RP1: variants seen among roughly 807,000 people sequenced by gnomAD.
RP1 encodes the protein oxygen-regulated protein 1.
A neutral mutation model predicts 14.8 loss-of-function variants in RP1; 16 were observed. That is an observed-to-expected ratio of 1.08 (90% CI 0.73 to 1.65). The LOEUF (loss-of-function observed/expected upper bound fraction) is 1.65. Among genes scored for constraint, RP1 ranks in the 40% most tolerant of loss-of-function variants. The probability of loss-of-function intolerance (pLI) is 0.00; values close to 1 mark genes in which losing one functional copy is unlikely to be tolerated. For synonymous variants in RP1, 876 were observed against 883.6 expected, an observed-to-expected ratio of 0.99 and a Z score of 0.15; for missense variants, 2,631 against 2,535.0, an observed-to-expected ratio of 1.04 and a Z score of -0.81.
intron 24 of RP1, among the ~76,000 whole-genome samples, chr8:54,807,211 C>T (rs1810873455): frequency 2.6e-5 from 4 of 152,204 alleles, no homozygotes; most frequent in Admixed American, 2.6e-4. Context: ...TGTCAAGCTC[C>T]ATCAGCCTTT....
chr8:54,571,578 T>C (rs998799031), intron 1 of RP1, among the ~76,000 whole-genome samples: 7 of 152,288 alleles, frequency 4.6e-5, no homozygotes, highest in African/African-American at 1.7e-4. Flanking sequence ...TTAAGATCCA[T>C]CAGCTCAAGT....
intron 1 of RP1, among the ~76,000 whole-genome samples, chr8:54,569,086 G>A (rs547865122): frequency 6.6e-6 from 1 of 152,206 alleles, no homozygotes; most frequent in Non-Finnish European, 1.5e-5. Context: ...ATGCAAAAAA[G>A]AGCAGAAGAA....
rs1352879677 is a variant in RP1, at chr8:54,629,752, C to T, written c.5870C>T (p.Pro1957Leu). The change falls in exon 4 of 4, where the codon CCA (proline) becomes CTA (leucine). Residue 1957 changes from proline to leucine, a missense_variant. Transcript: ENST00000220676. ...LGFYLWMKIH[P>L]YLLQTDKNVF... ...TTTTATTTATGGATGAAAATACACC[C>T]ATATTTACTTCAGACAGACAAAAAT... The T allele has an allele frequency of 6.2e-7, 1 of 1,610,322 alleles. No individual in the cohort carries two copies. Among genetic ancestry groups the T allele is most frequent in the African/African-American group, 1.3e-5 (1 of 74,800 alleles).
At chr8:54,567,439 T>C (rs1804433908) in intron 1 of RP1, among the ~76,000 whole-genome samples, 1 of 152,188 alleles carries the variant, frequency 6.6e-6, no homozygotes, top group South Asian at 2.1e-4. Flanking sequence ...ATTTCACTTA[T>C]TATTATGAGA....
At chr8:54,754,963 AT>A in intron 20 of RP1, 1 of 1,472,808 alleles carries the variant, frequency 6.8e-7, no homozygotes, top group Non-Finnish European at 9.0e-7. Flanking sequence ...AGTAGCATCT[AT>A]TCCATAGACA....
At chr8:54,795,855 T>C (rs1478314420) in intron 24 of RP1, among the ~76,000 whole-genome samples, 2 of 152,182 alleles carry the variant, frequency 1.3e-5, no homozygotes, top group African/African-American at 4.8e-5. Context: ...GTTTTTCCTG[T>C]TCTAAATGTG....
At chr8:54,591,879 G>A (rs1413112686) in intron 1 of RP1, among the ~76,000 whole-genome samples, 1 of 152,140 alleles carries the variant, frequency 6.6e-6, no homozygotes, top group Admixed American at 6.5e-5. Flanking sequence ...CTCACAGGGT[G>A]GATAACAGGA....
intron 19 of RP1, among the ~76,000 whole-genome samples, chr8:54,747,899 C>T (rs1171602435): frequency 2.0e-5 from 3 of 152,242 alleles, no homozygotes; most frequent in Non-Finnish European, 4.4e-5. Context: ...AAGGCCAATG[C>T]CCCTTCTCTT....
chr8:54,688,494 G>C (rs957619195), intron 12 of RP1, among the ~76,000 whole-genome samples: 13 of 152,102 alleles, frequency 8.5e-5, no homozygotes, highest in Admixed American at 2.0e-4. Flanking sequence ...TTTGTATAAG[G>C]TGTAAGGAAG....
intron 27 of RP1, among the ~76,000 whole-genome samples, chr8:54,859,343 G>GGTGTCA (rs947200880): frequency 4.9e-4 from 6 of 12,298 alleles, no homozygotes; most frequent in African/African-American, 6.4e-4. Flanking sequence ...ACTGTAGGGT[G>GGTGTCA]GTGTCCCTGT....
At chr8:54,666,844 C>T (rs762361109) in intron 7 of RP1, among the ~76,000 whole-genome samples, 2 of 151,964 alleles carry the variant, frequency 1.3e-5, no homozygotes, top group African/African-American at 4.8e-5. Flanking sequence ...AATGCCAAGC[C>T]CCATCTGTTC....
intron 12 of RP1, among the ~76,000 whole-genome samples, chr8:54,691,970 C>T (rs981313314): frequency 5.9e-5 from 9 of 151,978 alleles, no homozygotes; most frequent in Admixed American, 2.0e-4. Context: ...TCCCCCCTCC[C>T]CCAACCCTAC....
intron 25 of RP1, among the ~76,000 whole-genome samples, chr8:54,848,326 C>A (rs1030594379): frequency 2.0e-5 from 3 of 152,210 alleles, no homozygotes; most frequent in Non-Finnish European, 4.4e-5. Flanking sequence ...TCCTCCTATC[C>A]TGTTCTTCCT....
chr8:54,678,217 C>G (rs989484539), intron 8 of RP1, among the ~76,000 whole-genome samples: 21 of 152,170 alleles, frequency 1.4e-4, no homozygotes, highest in African/African-American at 4.8e-4. Flanking sequence ...TTTGGAAAAG[C>G]CCACTGAAAT....
At chr8:54,662,523 C>G (rs143382437) in intron 6 of RP1, among the ~76,000 whole-genome samples, 1,595 of 152,280 alleles carry the variant, frequency 0.01, 12 homozygotes, top group Middle Eastern at 0.031. Flanking sequence ...CCAATGTGCT[C>G]TTCTTCCTAG....
exon 28 of RP1, chr8:54,865,907 T>C: frequency 8.2e-7 from 1 of 1,221,772 alleles, no homozygotes; most frequent in Non-Finnish European, 1.0e-6. Flanking sequence ...GTGCTGTTTC[T>C]ATGCAACAGG....
chr8:54,867,677 A>ATAC (rs1369643259), intron 28 of RP1, among the ~76,000 whole-genome samples: 1 of 152,218 alleles, frequency 6.6e-6, no homozygotes. Flanking sequence ...TTTAGACATG[A>ATAC]TACTACACAT....
At chr8:54,799,572 C>A (rs1320498709) in intron 24 of RP1, among the ~76,000 whole-genome samples, 5 of 151,838 alleles carry the variant, frequency 3.3e-5, no homozygotes, top group Non-Finnish European at 7.4e-5. Context: ...CTTTTCCTGC[C>A]TTCTCAGGAT....
upstream of RP1, among the ~76,000 whole-genome samples, chr8:54,611,185 G>T (rs1299761634): frequency 6.6e-6 from 1 of 152,128 alleles, no homozygotes; most frequent in Non-Finnish European, 1.5e-5. Flanking sequence ...GTCTCTTGTA[G>T]TTCATCCTAC....
Sources: gnomAD v4.1 joint callset for allele counts (sites outside exome capture counted in the v4.1 genomes callset) on GRCh38, gnomAD v4.1.1 for gene constraint, MANE v1.5 for transcripts, NCBI Gene and HGNC (gene_info 2026-07-23, HGNC 2026-07-21) for gene names.